The following MCTP1 variants were observed in gnomAD, a reference collection of about 807,000 sequenced individuals.
MCTP1 encodes multiple C2 and transmembrane domain-containing protein 1.
In MCTP1, 69 loss-of-function variants were observed where a neutral mutation model predicts 120.6. That is an observed-to-expected ratio of 0.57 (90% CI 0.47 to 0.70). The LOEUF (loss-of-function observed/expected upper bound fraction) is 0.70, where lower values mean the gene tolerates loss of function less well. Ranked by LOEUF, MCTP1 falls within the 30% of genes least tolerant of loss-of-function variation. The probability of loss-of-function intolerance (pLI) is 0.00; values close to 1 mark genes in which losing one functional copy is unlikely to be tolerated. For missense variants in MCTP1, 1,203 were observed against 1,248.8 expected (o/e 0.96, Z 0.55); for synonymous variants, 529 against 493.1 (o/e 1.07, Z -0.96).
At chr5:95,011,225 A>G (rs1220787071) in intron 2 of MCTP1, among the ~76,000 whole-genome samples, 1 of 152,152 alleles carries the variant, frequency 6.6e-6, no homozygotes, top group Non-Finnish European at 1.5e-5. Flanking sequence ...TAATTTTAGC[A>G]TCTATTGATG....
intron 18 of MCTP1, among the ~76,000 whole-genome samples, chr5:94,787,693 T>C (rs1478219225): frequency 1.3e-5 from 2 of 151,576 alleles, no homozygotes; most frequent in Non-Finnish European, 2.9e-5. Context: ...CTCGGCTCAC[T>C]GCAAGCTCCG....
intron 11 of MCTP1, among the ~76,000 whole-genome samples, chr5:94,891,033 T>G (rs1456596751): frequency 1.3e-5 from 2 of 152,230 alleles, no homozygotes; most frequent in Admixed American, 6.5e-5. Flanking sequence ...AGCAAAAGCT[T>G]ACTGCAATAT....
At chr5:95,028,716 C>T (rs868335657) in intron 1 of MCTP1, among the ~76,000 whole-genome samples, 1 of 152,182 alleles carries the variant, frequency 6.6e-6, no homozygotes, top group Admixed American at 6.5e-5. Flanking sequence ...TGTAAACAGA[C>T]TTTGTGTTGC....
intron 1 of MCTP1, among the ~76,000 whole-genome samples, chr5:95,096,223 G>C (rs192757482): frequency 6.6e-6 from 1 of 152,198 alleles, no homozygotes; most frequent in Non-Finnish European, 1.5e-5. Flanking sequence ...TTTTGATGGT[G>C]GTGGATAAAA....
At chr5:94,932,693 T>C (rs974388912) in intron 5 of MCTP1, among the ~76,000 whole-genome samples, 7 of 152,004 alleles carry the variant, frequency 4.6e-5, no homozygotes, top group Admixed American at 2.0e-4. Context: ...CTCTCTTCAC[T>C]TTAAAAAATT....
chr5:95,089,359 C>T (rs1354173222), intron 1 of MCTP1, among the ~76,000 whole-genome samples: 1 of 152,116 alleles, frequency 6.6e-6, no homozygotes, highest in Non-Finnish European at 1.5e-5. Context: ...CTCCTGGAAA[C>T]AAAGCAAGTT....
At chr5:94,729,040 G>T (rs60877235) in intron 19 of MCTP1, among the ~76,000 whole-genome samples, 1 of 152,158 alleles carries the variant, frequency 6.6e-6, no homozygotes, top group East Asian at 1.9e-4. Context: ...AGTAAAAAGC[G>T]CAATGAAGAG....
chr5:94,756,866 T>C (rs975398743), intron 19 of MCTP1, among the ~76,000 whole-genome samples: 1 of 152,176 alleles, frequency 6.6e-6, no homozygotes, highest in Non-Finnish European at 1.5e-5. Flanking sequence ...TACTCAGTTC[T>C]GATTACTAGA....
chr5:95,059,914 G>A (rs1748479400), intron 1 of MCTP1, among the ~76,000 whole-genome samples: 1 of 152,142 alleles, frequency 6.6e-6, no homozygotes, highest in Admixed American at 6.5e-5. Flanking sequence ...TTGAGATGCT[G>A]TTCTAGTCCA....
chr5:95,192,574 CAG>C (rs1301073902), intron 1 of MCTP1, among the ~76,000 whole-genome samples: 3 of 152,014 alleles, frequency 2.0e-5, no homozygotes, highest in Non-Finnish European at 4.4e-5. Flanking sequence ...AATAAAAGGG[CAG>C]ACATATTTAT....
chr5:94,966,460 AC>A (rs1825615243), intron 2 of MCTP1, among the ~76,000 whole-genome samples: 3 of 152,116 alleles, frequency 2.0e-5, no homozygotes, highest in Admixed American at 6.5e-5. Flanking sequence ...AGATGAGAAA[AC>A]CAAGAAGGGT....
In MCTP1 at chr5:94,886,731, A is replaced by G. The variant is rs868760276; in HGVS notation, c.1933+2148T>C. 2.0e-4 allele frequency among the ~76,000 whole-genome samples: 30 copies of G among 152,312 alleles called. No individual in the cohort carries two copies. The Middle Eastern group carries it at 0.017, about 86-fold the overall frequency. On this transcript the variant is annotated intron_variant, in intron 12 of 22. Transcript: ENST00000515393. ...TTCAAACTATTGCCTAATAACTTGT[A>G]GAGGCTGACTGTTATTATCCACTGA...
intron 1 of MCTP1, among the ~76,000 whole-genome samples, chr5:95,069,037 T>C (rs996138497): frequency 1.3e-5 from 2 of 151,500 alleles, no homozygotes; most frequent in East Asian, 3.9e-4. Context: ...TTAAAACAGA[T>C]GTTCTCAATC....
chr5:95,146,329 G>A (rs1760392547), intron 1 of MCTP1, among the ~76,000 whole-genome samples: 1 of 151,992 alleles, frequency 6.6e-6, no homozygotes, highest in Admixed American at 6.6e-5. Flanking sequence ...TTCTTTCCAA[G>A]AACTAACTCT....
At chr5:94,808,280 T>C (rs1782759166) in intron 17 of MCTP1, among the ~76,000 whole-genome samples, 1 of 152,192 alleles carries the variant, frequency 6.6e-6, no homozygotes, top group African/African-American at 2.4e-5. Context: ...GGAGAGGAGA[T>C]AGGCAAAGTG....
At chr5:95,176,594 T>C (rs988044882) in intron 1 of MCTP1, among the ~76,000 whole-genome samples, 1 of 152,142 alleles carries the variant, frequency 6.6e-6, no homozygotes, top group Non-Finnish European at 1.5e-5. Context: ...TAAAAATACA[T>C]ATACATACTT....
chr5:94,901,412 A>G (rs1805496118), intron 10 of MCTP1, among the ~76,000 whole-genome samples: 1 of 152,232 alleles, frequency 6.6e-6, no homozygotes, highest in South Asian at 2.1e-4. Flanking sequence ...ACAGAGACAA[A>G]CCAAATCAAT....
At chr5:95,206,922 T>A (rs1345043556) in intron 1 of MCTP1, among the ~76,000 whole-genome samples, 3 of 152,224 alleles carry the variant, frequency 2.0e-5, no homozygotes, top group Admixed American at 2.0e-4. Flanking sequence ...ATTTATTAAA[T>A]GTTGATATAT....
intron 1 of MCTP1, among the ~76,000 whole-genome samples, chr5:95,018,947 C>G (rs376327283): frequency 6.6e-6 from 1 of 152,162 alleles, no homozygotes; most frequent in Admixed American, 6.6e-5. Context: ...ATTTTTCACA[C>G]TTTTAAAAGT....
Sources: allele counts gnomAD v4.1 joint callset (sites outside exome capture counted in the v4.1 genomes callset), GRCh38; gene constraint gnomAD v4.1.1; transcripts MANE v1.5; gene names NCBI Gene and HGNC (gene_info 2026-07-23, HGNC 2026-07-21).